The following NT5C3A variants were observed in gnomAD, a reference collection of about 807,000 sequenced individuals.
The protein encoded by NT5C3A is cytosolic 5'-nucleotidase 3A.
In NT5C3A, 23 loss-of-function variants were observed where a neutral mutation model predicts 40.0. That is an observed-to-expected ratio of 0.58 (90% CI 0.41 to 0.81). NT5C3A has a LOEUF of 0.81. Ranked by LOEUF, NT5C3A falls within the 40% of genes least tolerant of loss-of-function variation. The pLI is 0.00. For missense variants in NT5C3A, 328 were observed against 403.0 expected (o/e 0.81, Z 1.59); for synonymous variants, 130 against 141.4 (o/e 0.92, Z 0.57).
chr7:33,029,300 T>C, intron 1 of NT5C3A: 1 of 189,444 alleles, frequency 5.3e-6, no homozygotes, highest in Non-Finnish European at 1.1e-5. Flanking sequence ...TTACCATGTG[T>C]CTACTTTGTG....
chr7:33,032,642 A>G (rs1023143437), intron 1 of NT5C3A, among the ~76,000 whole-genome samples: 1 of 151,768 alleles, frequency 6.6e-6, no homozygotes, highest in Admixed American at 6.6e-5. Context: ...TTTTTTGTAG[A>G]AACAGGGTTT....
At chr7:33,026,353 G>GAAAAAAAAAAAAAAAAAAAA (rs1226260693) in intron 2 of NT5C3A, among the ~76,000 whole-genome samples, 1 of 94,156 alleles carries the variant, frequency 1.1e-5, no homozygotes, top group African/African-American at 4.1e-5. Flanking sequence ...CATCTCAAAA[G>GAAAAAAAAAAAAAAAAAAAA]AAAAAAAAAA....
chr7:33,045,156 T>A (rs147619308), intron 1 of NT5C3A, among the ~76,000 whole-genome samples: 80 of 152,328 alleles, frequency 5.3e-4, no homozygotes, highest in African/African-American at 1.9e-3. Context: ...GACAATTTAG[T>A]AGAAGATGAG....
Position 33,062,675 on chromosome 7 carries a change from C to G in NT5C3A, c.31G>C (p.Ala11Pro), listed in dbSNP as rs752076521. The part of the protein sequence containing the change: MDRAAVARVG[A>P]VASASVCALV... ...GCGCACACGCTGGCGCTCGCTACCGCGCCCACCCTCGCCACGGCCGCGCGG... is the reference window on the plus strand; with the variant it reads ...GCGCACACGCTGGCGCTCGCTACCGGGCCCACCCTCGCCACGGCCGCGCGG... Residue 11 changes from alanine (A) to proline (P), a missense_variant, in exon 1 of 9, where the codon GCG becomes CCG. Physicochemically the swap from Ala to Pro is conservative, Grantham distance 27 (BLOSUM62 -1). Coordinates refer to ENST00000610140, the MANE Select transcript of NT5C3A (RefSeq NM_001002010.5). 56 of 1,576,442 alleles carry G rather than the reference C, an allele frequency of 3.6e-5. No homozygotes were observed. Among genetic ancestry groups the G allele is most frequent in the Non-Finnish European group, 4.6e-5 (53 of 1,162,200 alleles).
intron 1 of NT5C3A, among the ~76,000 whole-genome samples, chr7:33,039,564 T>G (rs903764921): frequency 4.2e-5 from 6 of 144,144 alleles, no homozygotes; most frequent in Middle Eastern, 6.9e-3. Flanking sequence ...GGTTTTTTGT[T>G]TTTTTTTTTT....
chr7:33,035,579 A>C (rs1213958813), intron 1 of NT5C3A, among the ~76,000 whole-genome samples: 2 of 152,184 alleles, frequency 1.3e-5, no homozygotes, highest in African/African-American at 2.4e-5. Context: ...CATGCAAGTA[A>C]GTATTTTAAA....
At chr7:33,045,760 A>AT (rs34813051) in intron 1 of NT5C3A, 11 of 147,776 alleles carry the variant, frequency 7.4e-5, no homozygotes, top group South Asian at 2.2e-4. Context: ...CCCGGCCCTC[A>AT]TTTTTTTTTT....
chr7:33,022,152 C>G (rs965281380), intron 3 of NT5C3A, 53 bp from the exon 4 acceptor site: 112 of 925,004 alleles, frequency 1.2e-4, no homozygotes, highest in Non-Finnish European at 1.8e-4. Context: ...ATTTATGCTA[C>G]CACTACTATG....
Position 33,056,834 on chromosome 7 carries a change from G to A in NT5C3A, c.138+5734C>T, listed in dbSNP as rs143243002. On this transcript the variant is annotated intron_variant, in intron 1 of 8. Transcript: ENST00000610140. ...ATATTTTCTTTGTTTTTTTTGAGAT[G>A]GAGTTTTGCTCTTGTTCCCCTGGCT... is the stretch of plus-strand genomic sequence containing the variant. Among the ~76,000 whole-genome samples, 336 of 152,014 alleles carry A rather than the reference G, an allele frequency of 2.2e-3. 1 individual carries two copies. Among genetic ancestry groups the A allele is most frequent in the African/African-American group, 7.7e-3 (321 of 41,466 alleles).
chr7:33,062,475 G>A, intron 1 of NT5C3A, 93 bp downstream of exon 1: 2 of 1,194,932 alleles, frequency 1.7e-6, no homozygotes, highest in Admixed American at 2.0e-5. Context: ...TCCCCGTCGC[G>A]ACCGAACAGC....
chr7:33,055,481 T>G (rs963129041), intron 1 of NT5C3A, among the ~76,000 whole-genome samples: 2 of 152,220 alleles, frequency 1.3e-5, no homozygotes, highest in African/African-American at 2.4e-5. Context: ...ATTCTTCAAC[T>G]TCACTTACAT....
intron 1 of NT5C3A, among the ~76,000 whole-genome samples, chr7:33,054,390 T>A (rs938845986): frequency 5.9e-5 from 9 of 152,104 alleles, no homozygotes; most frequent in African/African-American, 2.2e-4. Flanking sequence ...ATTTCTCTGT[T>A]TTTCAAACTG....
chr7:33,041,138 GA>G, intron 1 of NT5C3A: 1 of 985,032 alleles, frequency 1.0e-6, no homozygotes, highest in Non-Finnish European at 1.2e-6. Context: ...TGTACTATTA[GA>G]ACTGGCAACT....
At chr7:33,048,360 A>G (rs923384063) in intron 1 of NT5C3A, among the ~76,000 whole-genome samples, 4 of 152,052 alleles carry the variant, frequency 2.6e-5, no homozygotes, top group African/African-American at 9.7e-5. Flanking sequence ...AATAGTTTAA[A>G]ATAAACAAAT....
At chr7:33,040,932 T>G (rs1398400491) in intron 1 of NT5C3A, 14 of 985,326 alleles carry the variant, frequency 1.4e-5, no homozygotes, top group South Asian at 4.7e-5. Flanking sequence ...TGAGAAGTAC[T>G]AATATAGCAC....
At chr7:33,060,524 TA>T (rs1247647273) in intron 1 of NT5C3A, among the ~76,000 whole-genome samples, 1 of 152,188 alleles carries the variant, frequency 6.6e-6, no homozygotes, top group Non-Finnish European at 1.5e-5. Context: ...AGCTGTAGCA[TA>T]CACAACCCAC....
chr7:33,021,697 G>GACACATA, intron 4 of NT5C3A: 1 of 396,290 alleles, frequency 2.5e-6, no homozygotes, highest in East Asian at 5.2e-5. Context: ...ACATACTCAA[G>GACACATA]CGAAGTACTG....
chr7:33,034,589 C>G (rs1786478456), intron 1 of NT5C3A, among the ~76,000 whole-genome samples: 1 of 152,142 alleles, frequency 6.6e-6, no homozygotes, highest in African/African-American at 2.4e-5. Context: ...ATAAAACTGG[C>G]AATACTGGAC....
At chr7:33,021,124 A>C in intron 5 of NT5C3A, 148 bp downstream of exon 5, 1 of 977,224 alleles carries the variant, frequency 1.0e-6, no homozygotes, top group Non-Finnish European at 1.5e-6. Flanking sequence ...TTAGATAATT[A>C]GAGCTCATTT....
Sources: allele counts gnomAD v4.1 joint callset (sites outside exome capture counted in the v4.1 genomes callset), GRCh38; gene constraint gnomAD v4.1.1; transcripts MANE v1.5; gene names NCBI Gene and HGNC (gene_info 2026-07-23, HGNC 2026-07-21).